The following PTPRS variants were observed in gnomAD, a reference collection of about 807,000 sequenced individuals.
PTPRS encodes receptor-type tyrosine-protein phosphatase S.
PTPRS carries 63 observed loss-of-function variants against 215.3 expected under a neutral mutation model. The ratio of observed to expected loss-of-function variants is 0.29; its 90% CI spans 0.24 to 0.36. PTPRS has a LOEUF of 0.36. Among genes scored for constraint, PTPRS ranks in the 10% least tolerant of loss-of-function variants. PTPRS has a pLI of 1.00. For synonymous variants in PTPRS, 1,404 were observed against 1,191.4 expected (o/e 1.18, Z -3.68); for missense variants, 2,258 against 2,825.8 (o/e 0.80, Z 4.56).
chr19:5,229,568 C>T lies in PTPRS; in HGVS notation c.2272G>A (p.Val758Ile). ...GCGCCCTCCATGCGCACGTAGTGGA[C>T]CTGGTAGCCGCGGATCTGGCCGTGC... ...RQHGQIRGYQVHYVRMEGAEA... is the reference protein window; with the variant it reads ...RQHGQIRGYQIHYVRMEGAEA... Residue 758 changes from valine (V) to isoleucine (I), a missense_variant, in exon 15 of 38, where the codon GTC becomes ATC. By Grantham distance (29) the Val-to-Ile change is conservative. Around this residue, in one of 6 missense-constraint regions of PTPRS, gnomAD observed 371 missense variants for 446.7 expected, o/e 0.83. Transcript: ENST00000262963. 4 of 1,457,172 alleles carry T rather than the reference C, an allele frequency of 2.7e-6. No homozygotes were observed. Among genetic ancestry groups the T allele is most frequent in the Non-Finnish European group, 3.6e-6 (4 of 1,105,888 alleles). 90.3% of individuals were successfully genotyped at this position (1,457,172 alleles called of 1,614,324 possible).
At chr19:5,242,400 AG>A (rs1453983969) in intron 11 of PTPRS, among the ~76,000 whole-genome samples, 3 of 151,958 alleles carry the variant, frequency 2.0e-5, no homozygotes. Flanking sequence ...TTTTTTGAGC[AG>A]GGTCTCGCTC....
At chr19:5,231,260 G>A (rs770477097) in intron 14 of PTPRS, 50 bp downstream of exon 14, 9 of 1,535,064 alleles carry the variant, frequency 5.9e-6, no homozygotes, top group Non-Finnish European at 5.3e-6. Context: ...TTCGAGGCGG[G>A]GGCCGGGCTG....
At chr19:5,268,203 TA>T (rs910775842) in intron 4 of PTPRS, among the ~76,000 whole-genome samples, 3 of 151,972 alleles carry the variant, frequency 2.0e-5, no homozygotes, top group African/African-American at 7.3e-5. Context: ...ATTAATTAAT[TA>T]AATAAAGTTT....
At chr19:5,247,960 G>A (rs2146034356) in intron 9 of PTPRS, among the ~76,000 whole-genome samples, 1 of 151,744 alleles carries the variant, frequency 6.6e-6, no homozygotes, top group East Asian at 1.9e-4. Context: ...TACTGCTCCA[G>A]GGGAGGAGTC....
chr19:5,217,892 T>C (rs1255560990), intron 25 of PTPRS, among the ~76,000 whole-genome samples: 1 of 152,124 alleles, frequency 6.6e-6, no homozygotes, highest in Non-Finnish European at 1.5e-5. Context: ...TCCTGGACTG[T>C]CAGGTGACTT....
In PTPRS at chr19:5,222,211, T is replaced by C. The variant is rs2042035531; in HGVS notation, c.3113A>G (p.Lys1038Arg). The C allele has an allele frequency of 1.2e-6, 2 of 1,613,690 alleles. No individual in the cohort carries two copies. Among genetic ancestry groups the C allele is most frequent in the Non-Finnish European group, 1.7e-6 (2 of 1,179,942 alleles). ...RTFLRDQVSP[K>R]NFKVKMIMKT... ...CATGATCATTTTCACCTTGAAGTTC[T>C]TGGGCGAGACTGCCGGGGAGGCGGC... Residue 1038 changes from lysine to arginine, a missense_variant, in exon 19 of 38, where the codon AAG (lysine) becomes AGG (arginine). Coordinates refer to ENST00000262963, the MANE Select transcript of PTPRS (RefSeq NM_002850.4).
chr19:5,249,978 G>A (rs939295520), intron 9 of PTPRS, among the ~76,000 whole-genome samples: 1 of 152,158 alleles, frequency 6.6e-6, no homozygotes, highest in African/African-American at 2.4e-5. Flanking sequence ...TTTAGAAGTA[G>A]AGACAAGGGG....
In PTPRS at chr19:5,229,328, G is replaced by A. The variant is rs776538253; in HGVS notation, c.2364C>T (p.Asp788=). ...MLADAQWETD[D]TAEYEMVITN... ...GGGCGCTACTTACATATTCGGCCGT[G>A]TCATCCGTCTCCCACTGAGCGCGGG... The change falls in exon 16 of 38, where the codon GAC becomes GAT. Residue 788 remains aspartate, a synonymous_variant. Transcript: ENST00000262963. 7.2e-7 allele frequency: 1 copy of A among 1,379,742 alleles called. No homozygotes were observed. Among genetic ancestry groups the A allele is most frequent in the Admixed American group, 3.1e-5 (1 of 32,512 alleles). The allele number at this position is 1,379,742 out of a possible 1,614,324, so 85.5% of individuals were successfully genotyped here.
intron 2 of PTPRS, among the ~76,000 whole-genome samples, chr19:5,284,376 A>AAT (rs2048147571): frequency 8.4e-6 from 1 of 119,520 alleles, no homozygotes; most frequent in African/African-American, 2.7e-5. Context: ...TTAATTAATT[A>AAT]AAATAAATAA....
rs1173948062 is a variant in PTPRS at position 5,305,780 on chromosome 19, G to A, written c.-94-19546C>T. ...ATATATATATATTTTTTTTTTAAAG[G>A]CAAATTCCAATTAGCCGGGCGTGGT... On this transcript the variant is annotated intron_variant, in intron 1 of 37. Transcript: ENST00000262963. 1.2e-4 allele frequency among the ~76,000 whole-genome samples: 14 copies of A among 118,938 alleles called. 1 individual carries two copies. Among genetic ancestry groups the A allele is most frequent in the Admixed American group, 1.1e-3 (13 of 11,540 alleles). 78.0% of individuals were successfully genotyped at this position (118,938 alleles called of 152,430 possible).
chr19:5,238,682 G>A (rs917774708), intron 13 of PTPRS, among the ~76,000 whole-genome samples: 2 of 152,332 alleles, frequency 1.3e-5, no homozygotes, highest in East Asian at 3.9e-4. Flanking sequence ...GTCTCAACCC[G>A]GGTCACCAGG....
At chr19:5,328,565 A>G (rs889351423) in intron 1 of PTPRS, among the ~76,000 whole-genome samples, 2 of 152,074 alleles carry the variant, frequency 1.3e-5, no homozygotes, top group African/African-American at 4.8e-5. Flanking sequence ...GACACTACGG[A>G]TATTCATCAG....
intron 1 of PTPRS, among the ~76,000 whole-genome samples, chr19:5,292,439 G>A (rs904910160): frequency 1.3e-5 from 2 of 152,154 alleles, no homozygotes; most frequent in Non-Finnish European, 2.9e-5. Context: ...CCTTGGGGAG[G>A]GTCACCAAAC....
At chr19:5,239,119 GA>G in intron 12 of PTPRS, 56 bp from the exon 13 acceptor site, 2 of 1,283,492 alleles carry the variant, frequency 1.6e-6, no homozygotes, top group East Asian at 3.2e-5. Flanking sequence ...GAGAGAGACA[GA>G]AACAAAGGGG....
At chr19:5,280,054 T>G (rs927212435) in intron 2 of PTPRS, among the ~76,000 whole-genome samples, 1 of 152,198 alleles carries the variant, frequency 6.6e-6, no homozygotes, top group African/African-American at 2.4e-5. Flanking sequence ...GGAGCAAAAC[T>G]TTGTTTTAAG....
At chr19:5,310,570 G>C (rs896687084) in intron 1 of PTPRS, among the ~76,000 whole-genome samples, 1 of 151,830 alleles carries the variant, frequency 6.6e-6, no homozygotes, top group Admixed American at 6.6e-5. Flanking sequence ...TGCCCACCTC[G>C]GCCTCCCAAA....
intron 1 of PTPRS, among the ~76,000 whole-genome samples, chr19:5,326,239 A>C (rs1247583627): frequency 6.6e-6 from 1 of 150,906 alleles, no homozygotes; most frequent in Non-Finnish European, 1.5e-5. Context: ...TCAAGAAAAC[A>C]AAACAAAATA....
In PTPRS at chr19:5,240,187, G is replaced by T. The variant is rs769575525; in HGVS notation, c.1704+12C>A. ...GCCCAGGGCAGGCCAGCCCGTCCCC[G>T]CGCTGCCTCACCTCCCGGCCATGGT... On this transcript the variant is annotated intron_variant, in intron 12 of 37. Transcript: ENST00000262963. The T allele has an allele frequency of 1.1e-5, 17 of 1,529,860 alleles. No individual in the cohort carries two copies. The highest frequency in any genetic ancestry group is 1.5e-5 in the Non-Finnish European group (17 of 1,137,546). The allele number at this position is 1,529,860 out of a possible 1,614,324, so 94.8% of individuals were successfully genotyped here.
intron 1 of PTPRS, among the ~76,000 whole-genome samples, chr19:5,308,139 C>G (rs1257364960): frequency 1.3e-5 from 2 of 152,186 alleles, no homozygotes; most frequent in Admixed American, 6.5e-5. Flanking sequence ...CTGGCCAGAA[C>G]AACATATTAA....
Sources: allele counts gnomAD v4.1 joint callset (sites outside exome capture counted in the v4.1 genomes callset), GRCh38; gene constraint gnomAD v4.1.1; regional missense constraint gnomAD v4.1.1; transcripts MANE v1.5; gene names NCBI Gene and HGNC (gene_info 2026-07-23, HGNC 2026-07-21).